CCDC178: variants seen among roughly 807,000 people sequenced by gnomAD.
The protein encoded by CCDC178 is coiled-coil domain containing 178, also known as coiled-coil domain-containing protein 178.
CCDC178 carries 126 observed loss-of-function variants against 117.4 expected under a neutral mutation model. That is an observed-to-expected ratio of 1.07 (90% CI 0.93 to 1.24). CCDC178 has a LOEUF of 1.24. CCDC178 is among the 50% of genes most tolerant of loss of function. The pLI, the probability that CCDC178 is intolerant of heterozygous loss-of-function variation, is 0.00. For synonymous variants in CCDC178, 283 were observed against 313.4 expected (o/e 0.90, Z 1.02); for missense variants, 1,030 against 986.9 (o/e 1.04, Z -0.59).
chr18:33,211,335 C>A (rs899688342), intron 20 of CCDC178, among the ~76,000 whole-genome samples: 2 of 151,654 alleles, frequency 1.3e-5, no homozygotes, highest in Non-Finnish European at 2.9e-5. Flanking sequence ...GGATAGGAAT[C>A]ATTTAACTGA....
At chr18:33,109,286 T>C (rs1280569808) in intron 20 of CCDC178, among the ~76,000 whole-genome samples, 1 of 151,704 alleles carries the variant, frequency 6.6e-6, no homozygotes, top group Non-Finnish European at 1.5e-5. Context: ...ACAAGGAGAA[T>C]AAACTTGTCA....
intron 20 of CCDC178, among the ~76,000 whole-genome samples, chr18:33,102,782 G>A (rs780950565): frequency 4.0e-5 from 6 of 151,748 alleles, no homozygotes; most frequent in African/African-American, 4.8e-5. Flanking sequence ...TCTTGGTATA[G>A]GGGAAAATGA....
chr18:33,378,013 T>C (rs985491573), intron 5 of CCDC178, among the ~76,000 whole-genome samples: 1 of 152,238 alleles, frequency 6.6e-6, no homozygotes, highest in East Asian at 1.9e-4. Flanking sequence ...GAAATAGCGT[T>C]GAATATGTAG....
At chr18:32,938,900 G>A (rs2054177230) in intron 22 of CCDC178, among the ~76,000 whole-genome samples, 2 of 152,220 alleles carry the variant, frequency 1.3e-5, no homozygotes, top group Admixed American at 6.5e-5. Flanking sequence ...TACTGTAACT[G>A]TGTGCTCTGA....
chr18:33,098,785 GTTTAC>G (rs1443759770), intron 20 of CCDC178, among the ~76,000 whole-genome samples: 5 of 151,952 alleles, frequency 3.3e-5, no homozygotes, highest in African/African-American at 1.2e-4. Context: ...CCCTTGGGAA[GTTTAC>G]TTTACGGATT....
intron 14 of CCDC178, among the ~76,000 whole-genome samples, chr18:33,250,785 G>T (rs1021800980): frequency 3.3e-5 from 5 of 151,218 alleles, no homozygotes; most frequent in Non-Finnish European, 7.4e-5. Flanking sequence ...ACCCAACAAG[G>T]ATCATCAAAT....
intron 20 of CCDC178, among the ~76,000 whole-genome samples, chr18:33,147,801 CTA>C (rs2058288963): frequency 6.6e-6 from 1 of 152,202 alleles, no homozygotes; most frequent in South Asian, 2.1e-4. Flanking sequence ...TCTGATTTCT[CTA>C]TCTTTTCCCC....
chr18:32,944,542 T>C (rs1453834011), intron 22 of CCDC178, among the ~76,000 whole-genome samples: 1 of 152,246 alleles, frequency 6.6e-6, no homozygotes, highest in African/African-American at 2.4e-5. Context: ...AATATGTACT[T>C]ACACATCCTA....
At chr18:32,974,224 T>A (rs920501732) in intron 22 of CCDC178, among the ~76,000 whole-genome samples, 1 of 152,152 alleles carries the variant, frequency 6.6e-6, no homozygotes, top group Non-Finnish European at 1.5e-5. Flanking sequence ...GCACAAGGTA[T>A]CTTGTGTCAA....
chr18:32,972,044 T>C (rs1289292239), intron 22 of CCDC178, among the ~76,000 whole-genome samples: 2 of 152,174 alleles, frequency 1.3e-5, no homozygotes, highest in African/African-American at 2.4e-5. Context: ...TTTGCCAATT[T>C]TGGCTTTTTT....
At chr18:33,408,397 A>T (rs1254791706) in intron 3 of CCDC178, among the ~76,000 whole-genome samples, 1 of 152,072 alleles carries the variant, frequency 6.6e-6, no homozygotes, top group Non-Finnish European at 1.5e-5. Context: ...AATTACATTG[A>T]GAAGAAAGTA....
At chr18:33,223,316 G>A in intron 17 of CCDC178, 97 bp from the exon 18 acceptor site, 7 of 1,286,548 alleles carry the variant, frequency 5.4e-6, no homozygotes, top group Non-Finnish European at 7.1e-6. Context: ...AATAACAACA[G>A]CATTTATTTT....
intron 21 of CCDC178, among the ~76,000 whole-genome samples, chr18:33,053,957 G>T (rs1458203358): frequency 6.6e-6 from 1 of 151,998 alleles, no homozygotes; most frequent in Non-Finnish European, 1.5e-5. Context: ...ATTATTTTAT[G>T]TTAAAATATA....
chr18:33,227,459 A>T (rs1030955221), intron 15 of CCDC178, among the ~76,000 whole-genome samples: 4 of 151,196 alleles, frequency 2.6e-5, no homozygotes, highest in Non-Finnish European at 5.9e-5. Context: ...TTAAAATTAC[A>T]TCTTGGAACC....
At chr18:33,186,110 T>A (rs1284071308) in intron 20 of CCDC178, among the ~76,000 whole-genome samples, 1 of 152,090 alleles carries the variant, frequency 6.6e-6, no homozygotes, top group Non-Finnish European at 1.5e-5. Flanking sequence ...TAGATACATA[T>A]GATGTAGTTG....
chr18:33,325,611 C>A (rs185603975), intron 10 of CCDC178, among the ~76,000 whole-genome samples: 5 of 152,052 alleles, frequency 3.3e-5, no homozygotes, highest in South Asian at 2.1e-4. Flanking sequence ...TTAGATCATA[C>A]GCAAGTGCAG....
chr18:33,386,398 C>A (rs2063492819), intron 5 of CCDC178, among the ~76,000 whole-genome samples: 1 of 151,698 alleles, frequency 6.6e-6, no homozygotes, highest in Non-Finnish European at 1.5e-5. Context: ...AACAGAGATA[C>A]AACAACAAAA....
chr18:33,101,216 T>C (rs1387677773), intron 20 of CCDC178, among the ~76,000 whole-genome samples: 2 of 151,474 alleles, frequency 1.3e-5, no homozygotes, highest in African/African-American at 2.4e-5. Context: ...TTCCTATGCA[T>C]TATAATCATT....
Position 33,014,740 on chromosome 18 carries a change from G to A in CCDC178, c.2389-40059C>T, listed in dbSNP as rs144633616. Among the ~76,000 whole-genome samples, 48 of 152,158 alleles carry A rather than the reference G, an allele frequency of 3.2e-4. No individual in the cohort carries two copies. The East Asian group carries it at 8.5e-3, about 27-fold the overall frequency. ...TTTGTCAAATTACTAGTCTGTTTGG[G>A]GAGAAGCTTCAGTAGCTGCTCATAA... On this transcript the variant is annotated intron_variant, in intron 21 of 22. Transcript: ENST00000383096.
Sources: gnomAD v4.1 joint callset for allele counts (sites outside exome capture counted in the v4.1 genomes callset) on GRCh38, gnomAD v4.1.1 for gene constraint, MANE v1.5 for transcripts, NCBI Gene and HGNC (gene_info 2026-07-23, HGNC 2026-07-21) for gene names.